DLG2: variants seen among roughly 807,000 people sequenced by gnomAD.
DLG2 encodes disks large homolog 2.
Under a neutral mutation model 132.5 loss-of-function variants are expected in DLG2, and 45 were observed. The ratio of observed to expected loss-of-function variants is 0.34; its 90% CI spans 0.27 to 0.44. The LOEUF is 0.44. DLG2 is among the 20% of genes least tolerant of loss of function. The pLI is 1.00. For missense variants in DLG2, 1,045 were observed against 1,196.9 expected (o/e 0.87, Z 1.87); for synonymous variants, 424 against 419.6 (o/e 1.01, Z -0.13).
chr11:85,083,305 A>G (rs2067484460), intron 6 of DLG2, among the ~76,000 whole-genome samples: 1 of 152,140 alleles, frequency 6.6e-6, no homozygotes, highest in Admixed American at 6.6e-5. Context: ...TTGAGCAATA[A>G]AGACAGCCCA....
At chr11:84,630,408 T>C (rs1437657066) in intron 6 of DLG2, among the ~76,000 whole-genome samples, 1 of 152,188 alleles carries the variant, frequency 6.6e-6, no homozygotes, top group Non-Finnish European at 1.5e-5. Flanking sequence ...CCAACTCTCT[T>C]TTGCTTTAGA....
chr11:84,287,366 G>A (rs1416693491), intron 7 of DLG2, among the ~76,000 whole-genome samples: 1 of 152,142 alleles, frequency 6.6e-6, no homozygotes, highest in African/African-American at 2.4e-5. Context: ...ATCTAGACTA[G>A]TTGGACTGTG....
intron 7 of DLG2, among the ~76,000 whole-genome samples, chr11:84,511,698 T>C (rs1048000577): frequency 3.7e-4 from 56 of 152,148 alleles, no homozygotes; most frequent in African/African-American, 1.3e-3. Flanking sequence ...AGGAGTCTAA[T>C]GGTGCTCCTG....
At chr11:83,483,747 T>TTTAA (rs765663748) in intron 22 of DLG2, among the ~76,000 whole-genome samples, 69 of 151,932 alleles carry the variant, frequency 4.5e-4, no homozygotes, top group Middle Eastern at 3.4e-3. Context: ...ATAAAGATAA[T>TTTAA]TTAATTGTTC....
intron 6 of DLG2, among the ~76,000 whole-genome samples, chr11:84,954,600 G>A (rs144991259): frequency 1.7e-3 from 256 of 152,250 alleles, no homozygotes; most frequent in Non-Finnish European, 3.0e-3. Flanking sequence ...ATAGATTTTG[G>A]TGGAACCTAA....
At chr11:85,415,301 ATAGTGC>A (rs1449894585) in intron 3 of DLG2, among the ~76,000 whole-genome samples, 15 of 152,156 alleles carry the variant, frequency 9.9e-5, no homozygotes, top group Non-Finnish European at 2.1e-4. Flanking sequence ...GCTATTGTGA[ATAGTGC>A]CACAATAAAC....
chr11:84,444,609 T>A (rs2154478914), intron 7 of DLG2, among the ~76,000 whole-genome samples: 1 of 152,290 alleles, frequency 6.6e-6, no homozygotes, highest in East Asian at 1.9e-4. Context: ...AATTGTTTCC[T>A]GGCTTTTTAA....
chr11:83,928,160 G>T (rs2079348062), intron 15 of DLG2, among the ~76,000 whole-genome samples: 1 of 151,530 alleles, frequency 6.6e-6, no homozygotes, highest in South Asian at 2.1e-4. Context: ...AGAAAGAAGG[G>T]GACCAAATTA....
At chr11:85,455,603 G>A (rs2092396694) in intron 3 of DLG2, among the ~76,000 whole-genome samples, 1 of 152,198 alleles carries the variant, frequency 6.6e-6, no homozygotes, top group East Asian at 1.9e-4. Context: ...TCTCATTCTG[G>A]TTATCAAGGG....
intron 3 of DLG2, among the ~76,000 whole-genome samples, chr11:85,447,910 C>A (rs1370772277): frequency 3.3e-5 from 5 of 152,108 alleles, no homozygotes; most frequent in African/African-American, 1.2e-4. Context: ...CTTAACCAAT[C>A]TCTTTGAAAA....
At chr11:85,116,286 G>C (rs2073561311) in intron 5 of DLG2, among the ~76,000 whole-genome samples, 1 of 151,618 alleles carries the variant, frequency 6.6e-6, no homozygotes, top group Non-Finnish European at 1.5e-5. Flanking sequence ...CTGACTTCTA[G>C]TCCAATATAC....
intron 15 of DLG2, among the ~76,000 whole-genome samples, chr11:83,905,152 T>C (rs1269268591): frequency 1.3e-5 from 2 of 152,192 alleles, no homozygotes; most frequent in Admixed American, 6.6e-5. Flanking sequence ...GCAAACATTG[T>C]ACTAAGCATA....
At chr11:84,778,732 G>A (rs1021681886) in intron 6 of DLG2, among the ~76,000 whole-genome samples, 5 of 152,090 alleles carry the variant, frequency 3.3e-5, no homozygotes, top group Non-Finnish European at 7.4e-5. Flanking sequence ...ATGTATCTGG[G>A]TGTTGCCAGA....
intron 8 of DLG2, among the ~76,000 whole-genome samples, chr11:84,248,484 A>T (rs2097331762): frequency 6.6e-6 from 1 of 152,164 alleles, no homozygotes; most frequent in Non-Finnish European, 1.5e-5. Context: ...GGCCATTTTC[A>T]TCATATCAAG....
intron 22 of DLG2, among the ~76,000 whole-genome samples, chr11:83,474,558 A>C (rs1215422194): frequency 6.6e-6 from 1 of 152,148 alleles, no homozygotes; most frequent in African/African-American, 2.4e-5. Context: ...AAAAGCTTTA[A>C]ATGTCAGGTA....
intron 17 of DLG2, chr11:83,814,901 T>G (rs2048412425): frequency 4.5e-6 from 1 of 221,770 alleles, no homozygotes; most frequent in Non-Finnish European, 1.0e-5. Flanking sequence ...CATGGCAGCT[T>G]CCAGAGTGGA....
intron 6 of DLG2, among the ~76,000 whole-genome samples, chr11:84,588,649 CTAAGTCACAGGA>C: frequency 6.6e-6 from 1 of 152,062 alleles, no homozygotes; most frequent in South Asian, 2.1e-4. Context: ...TTAAAGCATT[CTAAGTCACAGGA>C]TAAGATAGGA....
At chr11:85,058,405 T>C (rs1455418596) in intron 6 of DLG2, among the ~76,000 whole-genome samples, 1 of 151,574 alleles carries the variant, frequency 6.6e-6, no homozygotes, top group Non-Finnish European at 1.5e-5. Context: ...TAAATATATG[T>C]ACACATATAT....
chr11:85,120,653 T>G (rs1008513945), intron 5 of DLG2, among the ~76,000 whole-genome samples: 5 of 152,068 alleles, frequency 3.3e-5, no homozygotes, highest in Non-Finnish European at 4.4e-5. Context: ...TTTCTCATTG[T>G]AAAAGCATGA....
Sources: allele counts gnomAD v4.1 joint callset (sites outside exome capture counted in the v4.1 genomes callset), GRCh38; gene constraint gnomAD v4.1.1; transcripts MANE v1.5; gene names NCBI Gene and HGNC (gene_info 2026-07-23, HGNC 2026-07-21).